Variants in PM20D2 observed in about 807,000 individuals in gnomAD.
PM20D2 encodes peptidase M20 domain containing 2.
Under a neutral mutation model 42.9 loss-of-function variants are expected in PM20D2, and 33 were observed. The observed-to-expected ratio is 0.77, with a 90% CI of 0.58 to 1.03. The LOEUF is 1.03. Ranked by LOEUF, PM20D2 falls within the 50% of genes least tolerant of loss-of-function variation. PM20D2 has a pLI of 0.00. For missense variants in PM20D2, 548 were observed against 557.0 expected (o/e 0.98, Z 0.16); for synonymous variants, 250 against 228.2 (o/e 1.10, Z -0.86).
rs368873696 is a variant in PM20D2, at chr6:89,162,582, A to G, written c.*319A>G. The G allele has an allele frequency of 9.9e-5, 19 of 192,378 alleles. No homozygotes were observed. In the East Asian group the frequency reaches 2.0e-3, roughly 20 times the overall value. 11.9% of individuals were successfully genotyped at this position (192,378 alleles called of 1,614,324 possible). ...CTGGAGGATACATGGCATCATTTTT[A>G]TAAAATATGTTAGTAAACCTTTTTG... On this transcript the variant is annotated 3_prime_UTR_variant, in exon 7 of 7. Transcript: ENST00000275072.
chr6:89,142,465 T>C (rs911843839), upstream of PM20D2, among the ~76,000 whole-genome samples: 12 of 152,198 alleles, frequency 7.9e-5, no homozygotes, highest in African/African-American at 2.4e-5. Flanking sequence ...GGCCAGCATT[T>C]TGTTCAGGAG....
the PM20D2 span, chr6:89,098,618 T>A: frequency 2.5e-6 from 4 of 1,613,662 alleles, no homozygotes; most frequent in African/African-American, 1.3e-5. Context: ...AGATCTGGAA[T>A]GTGACCGAAA....
At chr6:89,114,879 C>T in the PM20D2 span, among the ~76,000 whole-genome samples, 2 of 152,094 alleles carry the variant, frequency 1.3e-5, no homozygotes, top group East Asian at 1.9e-4. Context: ...TCACTGCAAC[C>T]TCCACCTCCC....
chr6:89,099,439 T>TATATATGTGTGTGTATATAC, the PM20D2 span, among the ~76,000 whole-genome samples: 29 of 127,466 alleles, frequency 2.3e-4, 1 homozygote, highest in African/African-American at 8.9e-4. Flanking sequence ...TGTATATATA[T>TATATATGTGTGTGTATATAC]ACACATATAT....
At chr6:89,146,818 C>CAT (rs1562245877) in intron 1 of PM20D2, among the ~76,000 whole-genome samples, 5 of 152,374 alleles carry the variant, frequency 3.3e-5, no homozygotes, top group Non-Finnish European at 7.3e-5. Context: ...GCCGACCTGG[C>CAT]GACATCTTGC....
chr6:89,132,616 CG>C, the PM20D2 span, among the ~76,000 whole-genome samples: 2 of 151,068 alleles, frequency 1.3e-5, no homozygotes, highest in African/African-American at 2.5e-5. Flanking sequence ...GAGGCTGAGG[CG>C]GGCAGATCAC....
rs201767668 is a variant in PM20D2 at position 89,164,595 on chromosome 6, GAT to G, written c.*2339_*2340del. The G allele has an allele frequency of 7.1e-3, 1,089 of 152,336 alleles. 9 individuals carry two copies. The highest frequency in any genetic ancestry group is 0.025 in the African/African-American group (1,028 of 41,422). The allele number at this position is 152,336 out of a possible 1,614,324, so 9.4% of individuals were successfully genotyped here. A position where few individuals can be genotyped will look rare whatever the true frequency, so the allele number is the denominator to read the frequency against. On this transcript the variant is annotated 3_prime_UTR_variant, in exon 7 of 7. Transcript: ENST00000275072. ...TTGTCAAAGTTTTACGAAAATATAT[GAT>G]ATATATTTATACTAAAACTATATAA...
the PM20D2 span, among the ~76,000 whole-genome samples, chr6:89,103,224 A>C: frequency 6.6e-6 from 1 of 152,182 alleles, no homozygotes; most frequent in African/African-American, 2.4e-5. Context: ...CTTTACTTCC[A>C]CTAGAAGGCA....
At chr6:89,124,282 G>A in the PM20D2 span, among the ~76,000 whole-genome samples, 60 of 152,200 alleles carry the variant, frequency 3.9e-4, no homozygotes, top group African/African-American at 1.4e-3. Flanking sequence ...ATGGTGGTGT[G>A]TGCCTGTAGT....
the PM20D2 span, among the ~76,000 whole-genome samples, chr6:89,100,288 AAGGTCAATG>A: frequency 6.6e-6 from 1 of 152,216 alleles, no homozygotes; most frequent in Non-Finnish European, 1.5e-5. Context: ...AAACTCCCAA[AAGGTCAATG>A]AGGAACATTA....
At chr6:89,123,719 CAA>C in the PM20D2 span, among the ~76,000 whole-genome samples, 399 of 53,838 alleles carry the variant, frequency 7.4e-3, 2 homozygotes, top group African/African-American at 0.023. Flanking sequence ...GAGACTGTCT[CAA>C]AAAAAAAAAA....
the PM20D2 span, among the ~76,000 whole-genome samples, chr6:89,140,150 G>A: frequency 1.3e-5 from 2 of 152,000 alleles, no homozygotes; most frequent in Non-Finnish European, 2.9e-5. Flanking sequence ...GTCTCACCAT[G>A]TTGCTCAGGC....
At chr6:89,146,721 C>G in intron 1 of PM20D2, 112 bp downstream of exon 1, 2 of 901,762 alleles carry the variant, frequency 2.2e-6, no homozygotes, top group Non-Finnish European at 3.1e-6. Flanking sequence ...CCGCCCGGGG[C>G]AGGTGTGTGT....
intron 4 of PM20D2, among the ~76,000 whole-genome samples, chr6:89,157,771 G>A (rs1324099362): frequency 2.6e-5 from 4 of 152,144 alleles, no homozygotes; most frequent in Non-Finnish European, 5.9e-5. Context: ...TTGGGAGGCC[G>A]AGACGGGCAG....
chr6:89,099,369 C>A, the PM20D2 span, among the ~76,000 whole-genome samples: 1 of 133,370 alleles, frequency 7.5e-6, no homozygotes, highest in African/African-American at 2.8e-5. Flanking sequence ...TTAGACTAAT[C>A]TTCCCATAGA....
intron 1 of PM20D2, 151 bp downstream of exon 1, chr6:89,146,760 C>G: frequency 3.2e-6 from 2 of 618,504 alleles, no homozygotes; most frequent in South Asian, 3.1e-5. Flanking sequence ...CGGTCCTCGC[C>G]TCGGCGCAGG....
At chr6:89,159,593 C>T (rs1281678803) in intron 5 of PM20D2, among the ~76,000 whole-genome samples, 4 of 152,036 alleles carry the variant, frequency 2.6e-5, no homozygotes, top group Non-Finnish European at 5.9e-5. Flanking sequence ...AGTTAGCTTT[C>T]AAGGAAAATA....
the PM20D2 span, among the ~76,000 whole-genome samples, chr6:89,099,557 C>T: frequency 2.6e-3 from 336 of 129,124 alleles, 4 homozygotes; most frequent in African/African-American, 8.6e-3. Flanking sequence ...TTTTTTGAGA[C>T]GGAGTTTCGC....
At chr6:89,112,859 CT>C in the PM20D2 span, among the ~76,000 whole-genome samples, 7 of 152,178 alleles carry the variant, frequency 4.6e-5, 1 homozygote, top group South Asian at 1.5e-3. Context: ...ACAGGTGTAC[CT>C]TTTAAAAAAT....
Sources: allele counts gnomAD v4.1 joint callset (sites outside exome capture counted in the v4.1 genomes callset), GRCh38; gene constraint gnomAD v4.1.1; transcripts MANE v1.5; gene names NCBI Gene and HGNC (gene_info 2026-07-23, HGNC 2026-07-21).